Variants in TSHZ3 observed in about 807,000 individuals in gnomAD.
TSHZ3 encodes teashirt homolog 3.
In TSHZ3, 10 loss-of-function variants were observed where a neutral mutation model predicts 64.5. The observed-to-expected ratio is 0.16, with a 90% CI of 0.10 to 0.26. The LOEUF (loss-of-function observed/expected upper bound fraction) is 0.26, where lower values mean the gene tolerates loss of function less well. Ranked by LOEUF, TSHZ3 falls within the 10% of genes least tolerant of loss-of-function variation. The probability of loss-of-function intolerance (pLI) is 1.00; values close to 1 mark genes in which losing one functional copy is unlikely to be tolerated. For missense variants in TSHZ3, 1,242 were observed against 1,421.7 expected (o/e 0.87, Z 2.03); for synonymous variants, 608 against 593.1 (o/e 1.03, Z -0.36).
At chr19:31,178,781 C>T (rs562980482) in intron 5 of TSHZ3, among the ~76,000 whole-genome samples, 1 of 152,334 alleles carries the variant, frequency 6.6e-6, no homozygotes, top group East Asian at 1.9e-4. Context: ...GACATGTCAT[C>T]AGAAGGCTGT....
At chr19:31,324,429 C>A (rs560027450) in intron 1 of TSHZ3, among the ~76,000 whole-genome samples, 3 of 152,310 alleles carry the variant, frequency 2.0e-5, no homozygotes, top group South Asian at 2.1e-4. Context: ...ATCCTGATTT[C>A]TTTGATATCA....
intron 1 of TSHZ3, among the ~76,000 whole-genome samples, chr19:31,309,746 TG>T (rs1441804027): frequency 9.9e-5 from 15 of 152,222 alleles, no homozygotes; most frequent in Admixed American, 9.8e-4. Flanking sequence ...TATTATTCCC[TG>T]AAGACTCAGC....
In TSHZ3 at chr19:31,199,923, C is replaced by T. The variant is rs1057250028; in HGVS notation, n.809+5033G>A. The stretch of plus-strand genomic sequence containing the variant: ...ATGCGCCAAAGACCTTAACAGACAC[C>T]TCACCAAAGAAGATATACAGATAGC... On this transcript the variant is annotated intron_variant and non_coding_transcript_variant, in intron 5 of 6. Transcript: ENST00000651361. Among the ~76,000 whole-genome samples, 5 of 149,454 alleles carry T rather than the reference C, an allele frequency of 3.3e-5. No individual in the cohort carries two copies. The East Asian group carries it at 9.9e-4, about 30-fold the overall frequency.
chr19:31,180,229 G>A lies in TSHZ3; in HGVS notation n.810-23812C>T, dbSNP rs374551418. Among the ~76,000 whole-genome samples the A allele has an allele frequency of 1.3e-4, 20 of 152,226 alleles. No individual in the cohort carries two copies. The South Asian group carries it at 4.2e-3, about 32-fold the overall frequency. ...TTGCTAAGCCAATGATGATTAGTGA[G>A]TGAATGAATGAATGAATGAACGAAT... On this transcript the variant is annotated intron_variant and non_coding_transcript_variant, in intron 5 of 6. Transcript: ENST00000651361.
chr19:31,294,723 C>G (rs1976633783), intron 1 of TSHZ3, among the ~76,000 whole-genome samples: 2 of 152,226 alleles, frequency 1.3e-5, no homozygotes, highest in South Asian at 4.2e-4. Context: ...TATATGTTTC[C>G]TCTTAAGTAT....
rs114470202 is a variant in TSHZ3 at position 31,302,075 on chromosome 19, C to T, written c.41-22323G>A. Among the ~76,000 whole-genome samples the T allele has an allele frequency of 1.8e-3, 275 of 152,238 alleles. 1 individual carries two copies. The highest frequency in any genetic ancestry group is 6.3e-3 in the African/African-American group (260 of 41,548). ...ACACTCAGAAACGCAGGCAAAGGGGCCCTTACATAAAGTTTGTAAAGCCCC... is the reference window on the plus strand; with the variant it reads ...ACACTCAGAAACGCAGGCAAAGGGGTCCTTACATAAAGTTTGTAAAGCCCC... On this transcript the variant is annotated intron_variant, in intron 1 of 1. Transcript: ENST00000240587.
At chr19:31,153,944 C>G (rs1974271128) in intron 6 of TSHZ3, among the ~76,000 whole-genome samples, 1 of 152,180 alleles carries the variant, frequency 6.6e-6, no homozygotes, top group African/African-American at 2.4e-5. Context: ...TGTGGTTCTT[C>G]CCATTAAAGG....
chr19:31,343,610 G>T (rs1917497984), intron 1 of TSHZ3, among the ~76,000 whole-genome samples: 2 of 151,672 alleles, frequency 1.3e-5, no homozygotes, highest in Admixed American at 1.3e-4. Flanking sequence ...AGAAGATTAT[G>T]TTCTATTACT....
chr19:31,170,709 C>T (rs1214359633), intron 5 of TSHZ3, among the ~76,000 whole-genome samples: 1 of 152,196 alleles, frequency 6.6e-6, no homozygotes, highest in Non-Finnish European at 1.5e-5. Context: ...AAAGATGTTT[C>T]CCCACAGGGG....
At chr19:31,209,064 A>G (rs1339629247) in intron 4 of TSHZ3, among the ~76,000 whole-genome samples, 1 of 152,134 alleles carries the variant, frequency 6.6e-6, no homozygotes, top group African/African-American at 2.4e-5. Context: ...AGTTTGCCAG[A>G]CGCCAGGTCC....
chr19:31,198,927 T>C (rs1250946574), intron 5 of TSHZ3, among the ~76,000 whole-genome samples: 2 of 152,192 alleles, frequency 1.3e-5, no homozygotes, highest in Non-Finnish European at 2.9e-5. Context: ...GACTAACTGA[T>C]TCTCCGATTT....
intron 5 of TSHZ3, among the ~76,000 whole-genome samples, chr19:31,180,512 G>T (rs1974696057): frequency 6.6e-6 from 1 of 152,228 alleles, no homozygotes; most frequent in South Asian, 2.1e-4. Flanking sequence ...AGCTAAAAGT[G>T]AGGATGTTTG....
intron 5 of TSHZ3, among the ~76,000 whole-genome samples, chr19:31,170,727 G>T (rs974577656): frequency 2.6e-5 from 4 of 152,184 alleles, no homozygotes; most frequent in Non-Finnish European, 2.9e-5. Context: ...GGGCCCTGTT[G>T]TCTATTAATT....
At chr19:31,206,149 G>T (rs1251552466) in intron 4 of TSHZ3, among the ~76,000 whole-genome samples, 2 of 149,944 alleles carry the variant, frequency 1.3e-5, no homozygotes, top group Non-Finnish European at 3.0e-5. Context: ...GGATGGATGT[G>T]TGAATGGATA....
chr19:31,165,379 A>AT (rs375061875), intron 5 of TSHZ3, among the ~76,000 whole-genome samples: 7 of 149,408 alleles, frequency 4.7e-5, no homozygotes, highest in South Asian at 4.2e-4. Context: ...TAAAAAACAC[A>AT]TTTTTTTTCA....
chr19:31,200,912 G>GA (rs200717153), intron 5 of TSHZ3, among the ~76,000 whole-genome samples: 1,997 of 148,974 alleles, frequency 0.013, 16 homozygotes, highest in Non-Finnish European at 0.021. Context: ...AGTTTATTTT[G>GA]AAAAAAAAAG....
At chr19:31,326,580 G>A (rs988710281) in intron 1 of TSHZ3, among the ~76,000 whole-genome samples, 4 of 152,254 alleles carry the variant, frequency 2.6e-5, no homozygotes, top group African/African-American at 9.6e-5. Context: ...CACAGTGAGG[G>A]TGGTGCTGAC....
chr19:31,185,546 A>G (rs918831108), intron 5 of TSHZ3, among the ~76,000 whole-genome samples: 1 of 152,194 alleles, frequency 6.6e-6, no homozygotes, highest in Non-Finnish European at 1.5e-5. Context: ...GACCATGCCC[A>G]GGACTGGGCA....
At position 31,227,033 on chromosome 19, in the gene TSHZ3, C is replaced by T. The variant is rs571548910; in HGVS notation, n.686+972G>A. 4.1e-5 allele frequency among the ~76,000 whole-genome samples: 5 copies of T among 120,802 alleles called. No individual in the cohort carries two copies. The South Asian group carries it at 1.3e-3, about 33-fold the overall frequency. 79.3% of individuals were successfully genotyped at this position (120,802 alleles called of 152,430 possible). A position where few individuals can be genotyped will look rare whatever the true frequency, so the allele number is the denominator to read the frequency against. On this transcript the variant is annotated intron_variant and non_coding_transcript_variant, in intron 4 of 6. Transcript: ENST00000651361. Reference sequence around the variant, plus strand: ...TCTCTTTGTCATCCAGGCTGGAGTGCAGTGGTGCCATCTCGGCTTACTGCA... The same window carrying T: ...TCTCTTTGTCATCCAGGCTGGAGTGTAGTGGTGCCATCTCGGCTTACTGCA...
Sources: allele counts gnomAD v4.1 joint callset (sites outside exome capture counted in the v4.1 genomes callset), GRCh38; gene constraint gnomAD v4.1.1; transcripts MANE v1.5; gene names NCBI Gene and HGNC (gene_info 2026-07-23, HGNC 2026-07-21).